Variants in ADARB2 observed in about 807,000 individuals in gnomAD.
The protein encoded by ADARB2 is inactive double-stranded RNA-specific editase B2.
In ADARB2, 25 loss-of-function variants were observed where a neutral mutation model predicts 62.2. The ratio of observed to expected loss-of-function variants is 0.40; its 90% CI spans 0.29 to 0.56. The LOEUF (loss-of-function observed/expected upper bound fraction) is 0.56, where lower values mean the gene tolerates loss of function less well. ADARB2 is among the 20% of genes least tolerant of loss of function. The pLI, the probability that ADARB2 is intolerant of heterozygous loss-of-function variation, is 0.43. For synonymous variants in ADARB2, 572 were observed against 500.8 expected (o/e 1.14, Z -1.90); for missense variants, 1,071 against 1,077.4 (o/e 0.99, Z 0.08).
At chr10:1,562,935 AC>A (rs2131987229) in intron 1 of ADARB2, among the ~76,000 whole-genome samples, 1 of 152,364 alleles carries the variant, frequency 6.6e-6, no homozygotes, top group Non-Finnish European at 1.5e-5. Context: ...TGCTCCTTCA[AC>A]AAATGTTTCC....
chr10:1,725,116 C>T (rs1335366370), intron 1 of ADARB2, among the ~76,000 whole-genome samples: 1 of 152,204 alleles, frequency 6.6e-6, no homozygotes, highest in Admixed American at 6.5e-5. Context: ...GAAGGAAAGT[C>T]CCAACCAGAT....
At chr10:1,516,633 A>G (rs1442556837) in intron 1 of ADARB2, among the ~76,000 whole-genome samples, 2 of 152,148 alleles carry the variant, frequency 1.3e-5, no homozygotes, top group Non-Finnish European at 2.9e-5. Flanking sequence ...CTCCCGTTTT[A>G]TGCCTTAATA....
intron 1 of ADARB2, among the ~76,000 whole-genome samples, chr10:1,732,190 A>C (rs12264402): frequency 0.018 from 2,805 of 152,016 alleles, 101 homozygotes; most frequent in African/African-American, 0.064. Flanking sequence ...ATATACATAC[A>C]TACATAGTAA....
At chr10:1,593,613 G>T (rs904243371) in intron 1 of ADARB2, among the ~76,000 whole-genome samples, 1 of 152,234 alleles carries the variant, frequency 6.6e-6, no homozygotes, top group African/African-American at 2.4e-5. Context: ...GCTTAAAGAA[G>T]CAGAGAGTTC....
intron 1 of ADARB2, among the ~76,000 whole-genome samples, chr10:1,612,701 C>A (rs563413969): frequency 3.7e-4 from 57 of 152,328 alleles, no homozygotes; most frequent in Non-Finnish European, 7.9e-4. Flanking sequence ...GGCCCTTGAG[C>A]TGGATCCAGC....
intron 1 of ADARB2, among the ~76,000 whole-genome samples, chr10:1,383,805 C>T (rs566646641): frequency 6.6e-6 from 1 of 152,364 alleles, no homozygotes; most frequent in South Asian, 2.1e-4. Context: ...TTCCAGCCTA[C>T]AGTTGCCTTC....
intron 3 of ADARB2, among the ~76,000 whole-genome samples, chr10:1,280,576 A>AAGTGATGCTCCGTGAAATTCCTG (rs1564245260): frequency 1.3e-5 from 2 of 149,902 alleles, no homozygotes; most frequent in African/African-American, 5.0e-5. Context: ...TGAAATTCCT[A>AAGTGATGCTCCGTGAAATTCCTG]AGTGACGCTC....
chr10:1,460,602 T>C (rs1831159960), intron 1 of ADARB2, among the ~76,000 whole-genome samples: 1 of 108,852 alleles, frequency 9.2e-6, no homozygotes, highest in Non-Finnish European at 1.9e-5. Flanking sequence ...CGAACCTGCC[T>C]GTGACCTGAG....
At position 1,200,209 on chromosome 10, in the gene ADARB2, C is replaced by T. The variant is rs531500792; in HGVS notation, c.1683-62G>A. ...AGGAGCCCAGGGAGCCTGGTCCTCT[C>T]TGTCCGTCTGCGGCCTGGTCCTGAG... On this transcript the variant is annotated intron_variant, in intron 7 of 9. Coordinates refer to ENST00000381312, the MANE Select transcript of ADARB2 (RefSeq NM_018702.4). 6.5e-5 allele frequency: 100 copies of T among 1,547,006 alleles called. No individual in the cohort carries two copies. In the East Asian group the frequency reaches 1.8e-3, roughly 27 times the overall value.
chr10:1,387,831 C>T (rs1161277202), intron 1 of ADARB2, among the ~76,000 whole-genome samples: 2 of 151,992 alleles, frequency 1.3e-5, no homozygotes, highest in Non-Finnish European at 2.9e-5. Context: ...TCCTCACGAG[C>T]AGATGAGTTT....
At chr10:1,516,829 G>T (rs1242216402) in intron 1 of ADARB2, among the ~76,000 whole-genome samples, 1 of 152,228 alleles carries the variant, frequency 6.6e-6, no homozygotes, top group Non-Finnish European at 1.5e-5. Context: ...TGAAGCGTTT[G>T]TATTTTAAAG....
rs60935166 is a variant in ADARB2 at position 1,492,242 on chromosome 10, G to T, written c.101-113082C>A. ...GGGAGGGGCTTCAGAGATAGGGATT[G>T]TTATGTGTTCAACGGTGTCCCACCC... On this transcript the variant is annotated intron_variant, in intron 1 of 9. Transcript: ENST00000381312. Among the ~76,000 whole-genome samples the T allele has an allele frequency of 6.6e-5, 10 of 152,302 alleles. No homozygotes were observed. In the East Asian group the frequency reaches 1.7e-3, roughly 27 times the overall value.
chr10:1,377,107 T>C (rs1832437720), intron 2 of ADARB2, among the ~76,000 whole-genome samples: 1 of 128,174 alleles, frequency 7.8e-6, no homozygotes, highest in Non-Finnish European at 1.6e-5. Context: ...TGTGCACCCC[T>C]GGGATGTGTG....
In ADARB2 at chr10:1,398,128, A is replaced by C. The variant is rs1289631820; in HGVS notation, c.101-18968T>G. Among the ~76,000 whole-genome samples, 15 of 78,938 alleles carry C rather than the reference A, an allele frequency of 1.9e-4. No homozygotes were observed. Among genetic ancestry groups the C allele is most frequent in the African/African-American group, 2.6e-4 (5 of 19,600 alleles). 51.8% of individuals were successfully genotyped at this position (78,938 alleles called of 152,430 possible). A position where few individuals can be genotyped will look rare whatever the true frequency, so the allele number is the denominator to read the frequency against. On this transcript the variant is annotated intron_variant, in intron 1 of 9. Coordinates refer to ENST00000381312, the MANE Select transcript of ADARB2 (RefSeq NM_018702.4). This position sits in a 1 kb window ranked among gnomAD's most constrained non-coding sequence, Gnocchi z 4.1. The stretch of plus-strand genomic sequence containing the variant: ...AGTGCAGGCTTCCTGGGTCACCATC[A>C]GTCTCTCCCCTCCCGAGTGCAGGCT...
At chr10:1,723,137 T>C (rs1028478645) in intron 1 of ADARB2, among the ~76,000 whole-genome samples, 2 of 152,248 alleles carry the variant, frequency 1.3e-5, no homozygotes, top group Non-Finnish European at 2.9e-5. Context: ...CAGAAGGCCC[T>C]TGTGTGTCAT....
At chr10:1,264,475 T>G (rs919335624) in intron 4 of ADARB2, among the ~76,000 whole-genome samples, 2 of 152,226 alleles carry the variant, frequency 1.3e-5, no homozygotes. Flanking sequence ...TAAACTGTCA[T>G]GGTTTCTAAA....
At chr10:1,399,489 C>A (rs1323230186) in intron 1 of ADARB2, among the ~76,000 whole-genome samples, 1 of 152,016 alleles carries the variant, frequency 6.6e-6, no homozygotes, top group African/African-American at 2.4e-5. Flanking sequence ...ACCTTTCCGA[C>A]TGAAGCTCAG....
intron 3 of ADARB2, among the ~76,000 whole-genome samples, chr10:1,347,829 G>GTAA (rs1832094306): frequency 2.0e-5 from 3 of 152,160 alleles, no homozygotes; most frequent in African/African-American, 7.2e-5. Flanking sequence ...TAGGCTCAGG[G>GTAA]TAATTGGGAG....
chr10:1,600,075 C>A (rs374414180), intron 1 of ADARB2, among the ~76,000 whole-genome samples: 1 of 152,140 alleles, frequency 6.6e-6, no homozygotes, highest in East Asian at 1.9e-4. Flanking sequence ...ACAATTGCTT[C>A]TACTTTTTAA....
Sources: allele counts gnomAD v4.1 joint callset (sites outside exome capture counted in the v4.1 genomes callset), GRCh38; gene constraint gnomAD v4.1.1; non-coding constraint Gnocchi (gnomAD v3.1); transcripts MANE v1.5; gene names NCBI Gene and HGNC (gene_info 2026-07-23, HGNC 2026-07-21).